Variants in FOLH1 observed in about 807,000 individuals in gnomAD.
FOLH1 encodes folate hydrolase 1.
FOLH1 carries 54 observed loss-of-function variants against 93.9 expected under a neutral mutation model. The observed-to-expected ratio is 0.57, with a 90% CI of 0.46 to 0.72. The LOEUF (loss-of-function observed/expected upper bound fraction) is 0.72. FOLH1 is among the 30% of genes least tolerant of loss of function. The pLI is 0.00. For synonymous variants in FOLH1, 249 were observed against 303.6 expected, an observed-to-expected ratio of 0.82 and a Z score of 1.87; for missense variants, 571 against 892.5, an observed-to-expected ratio of 0.64 and a Z score of 4.59.
Position 49,175,976 on chromosome 11 carries a change from CATT to C in FOLH1, c.921-22_921-20del. The stretch of plus-strand genomic sequence containing the variant: ...CATTTTTCTATTGGACACAAAAAAA[CATT>C]ATTAGCCACAAAAAAACCTTGAAGT... On this transcript the variant is annotated intron_variant, in intron 7 of 18. Transcript: ENST00000256999. The C allele has an allele frequency of 6.2e-7, 1 of 1,606,310 alleles. No homozygotes were observed. Among genetic ancestry groups the C allele is most frequent in the Non-Finnish European group, 8.5e-7 (1 of 1,176,580 alleles).
At chr11:49,186,122 T>C (rs1482424076) in intron 5 of FOLH1, 3 of 504,930 alleles carry the variant, frequency 5.9e-6, no homozygotes, top group Admixed American at 9.2e-5. Context: ...CTTACAAATA[T>C]AATAAGCAAG....
chr11:49,199,402 A>T (rs1590686973), intron 3 of FOLH1, among the ~76,000 whole-genome samples: 1 of 152,204 alleles, frequency 6.6e-6, no homozygotes, highest in Non-Finnish European at 1.5e-5. Flanking sequence ...ACAAGATTGC[A>T]AATTCTTTAA....
intron 18 of FOLH1, among the ~76,000 whole-genome samples, chr11:49,148,149 A>G (rs1590392712): frequency 6.6e-6 from 1 of 151,984 alleles, no homozygotes; most frequent in East Asian, 1.9e-4. Flanking sequence ...AAAAAATCCA[A>G]CTGTCAGGAT....
At chr11:49,191,156 C>T (rs1440751019) in intron 4 of FOLH1, among the ~76,000 whole-genome samples, 8 of 151,850 alleles carry the variant, frequency 5.3e-5, no homozygotes, top group Non-Finnish European at 1.5e-5. Context: ...GGACTACAGG[C>T]GCCCGCCACC....
intron 3 of FOLH1, among the ~76,000 whole-genome samples, chr11:49,195,885 A>G (rs1361896541): frequency 6.6e-6 from 1 of 152,194 alleles, no homozygotes; most frequent in Non-Finnish European, 1.5e-5. Context: ...GCCAGGCACA[A>G]TGGCTCACGC....
rs1197928232 is a variant in FOLH1 at position 49,145,377 on chromosome 11, C to A, written c.*1379G>T. On this transcript the variant is annotated 3_prime_UTR_variant, in exon 19 of 19. Transcript: ENST00000256999. ...GAGGGCATACAGAGCTACACCAGTGCCCAGATTCTGTAGTTCAGGCTGCTG... is the reference window on the plus strand; with the variant it reads ...GAGGGCATACAGAGCTACACCAGTGACCAGATTCTGTAGTTCAGGCTGCTG... 1.3e-5 allele frequency among the ~76,000 whole-genome samples: 2 copies of A among 152,122 alleles called. No individual in the cohort carries two copies. The highest frequency in any genetic ancestry group is 2.9e-5 in the Non-Finnish European group (2 of 68,022).
Position 49,192,773 on chromosome 11 carries a change from T to A in FOLH1, c.513+20A>T. On this transcript the variant is annotated intron_variant, in intron 4 of 18. Transcript: ENST00000256999. ...GAAGGCTTCTTTTTGTCATTTTTATTTGTTGCACTGTGTTTTTACCTCTGG... is the reference window on the plus strand; with the variant it reads ...GAAGGCTTCTTTTTGTCATTTTTATATGTTGCACTGTGTTTTTACCTCTGG... The A allele has an allele frequency of 6.3e-7, 1 of 1,574,970 alleles. No homozygotes were observed. The highest frequency in any genetic ancestry group is 8.6e-7 in the Non-Finnish European group (1 of 1,159,234).
At chr11:49,197,967 T>TA (rs1862805770) in intron 3 of FOLH1, among the ~76,000 whole-genome samples, 1 of 151,666 alleles carries the variant, frequency 6.6e-6, no homozygotes, top group Admixed American at 6.6e-5. Flanking sequence ...TGGATAAAAA[T>TA]AAAAAAGAAC....
At chr11:49,148,766 G>T (rs754292200) in intron 17 of FOLH1, 35 bp from the exon 18 acceptor site, 35 of 1,491,702 alleles carry the variant, frequency 2.3e-5, no homozygotes, top group Non-Finnish European at 3.2e-5. Context: ...ATAACTTCAT[G>T]AAAATATGTT....
chr11:49,198,286 C>T (rs1178248468), intron 3 of FOLH1, among the ~76,000 whole-genome samples: 2 of 151,986 alleles, frequency 1.3e-5, no homozygotes, highest in African/African-American at 2.4e-5. Flanking sequence ...TCGAGACCAT[C>T]CTGGCTAAAA....
chr11:49,165,793 T>A (rs1353200970), intron 12 of FOLH1, among the ~76,000 whole-genome samples: 1 of 152,206 alleles, frequency 6.6e-6, no homozygotes, highest in African/African-American at 2.4e-5. Context: ...ACAACAGAAT[T>A]GTTTATGGAA....
intron 13 of FOLH1, among the ~76,000 whole-genome samples, chr11:49,161,363 C>T (rs1033875659): frequency 6.6e-6 from 1 of 152,064 alleles, no homozygotes; most frequent in Non-Finnish European, 1.5e-5. Flanking sequence ...TGAATTGAAT[C>T]CTTTACCGTT....
At chr11:49,152,951 T>C (rs1046804204) in intron 17 of FOLH1, among the ~76,000 whole-genome samples, 1 of 152,178 alleles carries the variant, frequency 6.6e-6, no homozygotes, top group Non-Finnish European at 1.5e-5. Context: ...GTTCATATAA[T>C]ATTATGGTTG....
chr11:49,175,995 A>C (rs1554992411), intron 7 of FOLH1, 38 bp from the exon 8 acceptor site: 1 of 1,589,672 alleles, frequency 6.3e-7, no homozygotes, highest in Non-Finnish European at 8.6e-7. Flanking sequence ...CCACAAAAAA[A>C]CCTTGAAGTA....
At chr11:49,178,341 G>A (rs1860344884) in intron 7 of FOLH1, among the ~76,000 whole-genome samples, 1 of 152,130 alleles carries the variant, frequency 6.6e-6, no homozygotes, top group Admixed American at 6.5e-5. Context: ...AGTTGCTTTG[G>A]GGGTGTAAAT....
chr11:49,166,172 T>C (rs1165639939), intron 12 of FOLH1, among the ~76,000 whole-genome samples: 8 of 152,160 alleles, frequency 5.3e-5, no homozygotes, highest in Non-Finnish European at 5.9e-5. Flanking sequence ...TGTGCTGATA[T>C]GGAAAGTTTT....
intron 5 of FOLH1, chr11:49,186,235 C>A (rs1861357742): frequency 5.1e-6 from 1 of 195,782 alleles, no homozygotes; most frequent in Admixed American, 6.0e-5. Context: ...AATCAAATGA[C>A]AGTAATTTTT....
chr11:49,183,873 A>T (rs1468635990), intron 6 of FOLH1, among the ~76,000 whole-genome samples: 1 of 152,154 alleles, frequency 6.6e-6, no homozygotes, highest in African/African-American at 2.4e-5. Context: ...AAAATTGACC[A>T]GAAAGGGGTA....
At chr11:49,149,050 G>A (rs769718520) in intron 17 of FOLH1, among the ~76,000 whole-genome samples, 1 of 151,822 alleles carries the variant, frequency 6.6e-6, no homozygotes, top group Non-Finnish European at 1.5e-5. Flanking sequence ...TCATAGGTGG[G>A]AATTGAACAA....
Sources: gnomAD v4.1 joint callset for allele counts (sites outside exome capture counted in the v4.1 genomes callset) on GRCh38, gnomAD v4.1.1 for gene constraint, MANE v1.5 for transcripts, NCBI Gene and HGNC (gene_info 2026-07-23, HGNC 2026-07-21) for gene names.